Variants in ZRANB3 observed in about 807,000 individuals in gnomAD.
ZRANB3 encodes zinc finger RANBP2-type containing 3, also known as DNA annealing helicase and endonuclease ZRANB3.
A neutral mutation model predicts 133.8 loss-of-function variants in ZRANB3; 125 were observed. The observed-to-expected ratio is 0.93, with a 90% CI of 0.81 to 1.08. The LOEUF is 1.08. Among genes scored for constraint, ZRANB3 ranks in the 50% least tolerant of loss-of-function variants. The pLI is 0.00. For synonymous variants in ZRANB3, 387 were observed against 432.7 expected, an observed-to-expected ratio of 0.89 and a Z score of 1.31; for missense variants, 1,229 against 1,275.5, an observed-to-expected ratio of 0.96 and a Z score of 0.56.
At position 135,308,981 on chromosome 2, in the gene ZRANB3, ATT is replaced by A. The variant is rs68010822; in HGVS notation, c.966+4506_966+4507del. On this transcript the variant is annotated intron_variant, in intron 8 of 20. Transcript: ENST00000264159. ...TCTAAAAAAACTTAGTAATAACATC[ATT>A]TTTTTTTTTTTTTTTGAGATGGAGT... Among the ~76,000 whole-genome samples, 435 of 135,578 alleles carry A rather than the reference ATT, an allele frequency of 3.2e-3. 3 individuals carry two copies. The highest frequency in any genetic ancestry group is 0.011 in the African/African-American group (388 of 36,012). 88.9% of individuals were successfully genotyped at this position (135,578 alleles called of 152,430 possible).
Position 135,511,326 on chromosome 2 carries a change from C to T in ZRANB3, c.-7-6830G>A, listed in dbSNP as rs369847411. ...CTTTTCCTCTTGGATTTCAGATACACATTCTTGTTCTGGTTCTGGCTCAGG... is the reference window on the plus strand; with the variant it reads ...CTTTTCCTCTTGGATTTCAGATACATATTCTTGTTCTGGTTCTGGCTCAGG... On this transcript the variant is annotated intron_variant, in intron 1 of 20. Transcript: ENST00000264159. 387 of 865,696 alleles carry T rather than the reference C, an allele frequency of 4.5e-4. 2 individuals carry two copies. In the South Asian group the frequency reaches 4.8e-3, roughly 11 times the overall value. The allele number at this position is 865,696 out of a possible 1,614,324, so 53.6% of individuals were successfully genotyped here.
intron 3 of ZRANB3, among the ~76,000 whole-genome samples, chr2:135,362,040 TACAA>T (rs1315088405): frequency 2.0e-5 from 3 of 151,822 alleles, no homozygotes; most frequent in African/African-American, 7.3e-5. Context: ...CTACTTAAAA[TACAA>T]ACAATTAGCC....
At chr2:135,274,562 T>C (rs1680687818) in intron 9 of ZRANB3, among the ~76,000 whole-genome samples, 3 of 152,216 alleles carry the variant, frequency 2.0e-5, no homozygotes, top group African/African-American at 7.2e-5. Context: ...CATTATAGCC[T>C]ATCATGGCAG....
At chr2:135,230,471 A>G in intron 13 of ZRANB3, 42 bp downstream of exon 13, 1 of 1,446,092 alleles carries the variant, frequency 6.9e-7, no homozygotes, top group Non-Finnish European at 9.1e-7. Flanking sequence ...TGAAGACACC[A>G]CTAACAGCCC....
intron 12 of ZRANB3, among the ~76,000 whole-genome samples, chr2:135,238,108 A>G (rs1695383164): frequency 6.6e-6 from 1 of 152,152 alleles, no homozygotes; most frequent in Non-Finnish European, 1.5e-5. Context: ...TCCTAATTAG[A>G]GTAAGTAGGA....
At position 135,220,241 on chromosome 2, in the gene ZRANB3, C is replaced by T. The variant is rs183894654; in HGVS notation, c.2251-1063G>A. 1.6e-4 allele frequency among the ~76,000 whole-genome samples: 25 copies of T among 151,556 alleles called. No homozygotes were observed. In the East Asian group the frequency reaches 3.9e-3, roughly 24 times the overall value. On this transcript the variant is annotated intron_variant, in intron 15 of 20. Transcript: ENST00000264159. ...AAGGGTAGAAAGTAACCACATACAG[C>T]GGTGTAGTAGAGCTATTTCCTTTAT... is the stretch of plus-strand genomic sequence containing the variant.
At chr2:135,211,833 C>T (rs746129185) in intron 17 of ZRANB3, among the ~76,000 whole-genome samples, 5 of 152,020 alleles carry the variant, frequency 3.3e-5, no homozygotes, top group Non-Finnish European at 5.9e-5. Flanking sequence ...TAATAGATAT[C>T]GTTATATATG....
At chr2:135,498,677 C>T (rs760060789) in intron 2 of ZRANB3, among the ~76,000 whole-genome samples, 1 of 152,168 alleles carries the variant, frequency 6.6e-6, no homozygotes, top group Non-Finnish European at 1.5e-5. Flanking sequence ...GGAGAAATTT[C>T]ACTGAATTCT....
At chr2:135,470,024 A>G (rs1375390067) in intron 2 of ZRANB3, among the ~76,000 whole-genome samples, 2 of 150,266 alleles carry the variant, frequency 1.3e-5, no homozygotes, top group African/African-American at 4.9e-5. Context: ...AAAAAAAAAA[A>G]AAAGAAAGAA....
intron 3 of ZRANB3, among the ~76,000 whole-genome samples, chr2:135,379,083 C>T (rs1176111803): frequency 2.0e-5 from 3 of 152,176 alleles, no homozygotes; most frequent in East Asian, 3.9e-4. Context: ...ATGTACCATA[C>T]TAATCTAAGA....
chr2:135,500,824 G>A (rs973592995), intron 2 of ZRANB3, among the ~76,000 whole-genome samples: 1 of 149,120 alleles, frequency 6.7e-6, no homozygotes, highest in South Asian at 2.1e-4. Flanking sequence ...GATTAGACCA[G>A]CCGGTTGTGA....
intron 2 of ZRANB3, among the ~76,000 whole-genome samples, chr2:135,438,247 C>T (rs1689631817): frequency 6.6e-6 from 1 of 152,048 alleles, no homozygotes; most frequent in Non-Finnish European, 1.5e-5. Context: ...ATTTTCATGT[C>T]TATACATTTT....
intron 2 of ZRANB3, among the ~76,000 whole-genome samples, chr2:135,461,527 C>T (rs1056260652): frequency 6.6e-6 from 1 of 152,108 alleles, no homozygotes; most frequent in East Asian, 1.9e-4. Context: ...CCCGAGGTCA[C>T]GCCACTGCAC....
Position 135,240,009 on chromosome 2 carries a change from CAG to C in ZRANB3, c.1540-9084_1540-9083del, listed in dbSNP as rs368050898. Among the ~76,000 whole-genome samples, 448 of 151,400 alleles carry C rather than the reference CAG, an allele frequency of 3.0e-3. 3 individuals carry two copies. Among genetic ancestry groups the C allele is most frequent in the African/African-American group, 0.01 (417 of 41,298 alleles). ...AAAAAAAAAAAAGGGTGGAGGAAAGCAGAGAGATTAATAGACTGATGAAGTTT... is the reference window on the plus strand; with the variant it reads ...AAAAAAAAAAAAGGGTGGAGGAAAGCAGAGATTAATAGACTGATGAAGTTT... On this transcript the variant is annotated intron_variant, in intron 12 of 20. Transcript: ENST00000264159.
chr2:135,433,591 C>G (rs962611373), intron 2 of ZRANB3, among the ~76,000 whole-genome samples: 1 of 152,176 alleles, frequency 6.6e-6, no homozygotes, highest in Non-Finnish European at 1.5e-5. Context: ...GTGGCTCACA[C>G]CTGTAATCTC....
rs1424545579 is a variant in ZRANB3 at position 135,197,336 on chromosome 2, T to A, written c.*3006A>T. On this transcript the variant is annotated 3_prime_UTR_variant, in exon 21 of 21. Transcript: ENST00000264159. ...TGACTTTTTTGTCTGTCATATAATT[T>A]AAAATGCCTCATACTTTTATTTCTA... The A allele has an allele frequency of 6.6e-6, 1 of 152,242 alleles. No individual in the cohort carries two copies. The highest frequency in any genetic ancestry group is 2.4e-5 in the African/African-American group (1 of 41,460). The allele number at this position is 152,242 out of a possible 1,614,324, so 9.4% of individuals were successfully genotyped here. A position where few individuals can be genotyped will look rare whatever the true frequency, so the allele number is the denominator to read the frequency against.
chr2:135,525,849 A>C (rs1474811524), intron 1 of ZRANB3, among the ~76,000 whole-genome samples: 17 of 98,348 alleles, frequency 1.7e-4, no homozygotes, highest in Non-Finnish European at 2.2e-4. Context: ...ACTCTGTCTC[A>C]AAAAAAAAAA....
intron 6 of ZRANB3, among the ~76,000 whole-genome samples, chr2:135,330,821 T>C (rs1241345862): frequency 6.6e-6 from 1 of 152,208 alleles, no homozygotes; most frequent in African/African-American, 2.4e-5. Flanking sequence ...TTCTAGATTT[T>C]CTAGTTTATT....
chr2:135,288,846 T>G (rs1681531657), intron 8 of ZRANB3, among the ~76,000 whole-genome samples: 1 of 151,630 alleles, frequency 6.6e-6, no homozygotes, highest in Non-Finnish European at 1.5e-5. Flanking sequence ...TTTATATTTT[T>G]AAAGAACTTG....
Sources: gnomAD v4.1 joint callset for allele counts (sites outside exome capture counted in the v4.1 genomes callset) on GRCh38, gnomAD v4.1.1 for gene constraint, MANE v1.5 for transcripts, NCBI Gene and HGNC (gene_info 2026-07-23, HGNC 2026-07-21) for gene names.